The following ENDOV variants were observed in gnomAD, a reference collection of about 807,000 sequenced individuals.
ENDOV encodes endonuclease V.
A neutral mutation model predicts 39.4 loss-of-function variants in ENDOV; 37 were observed. That is an observed-to-expected ratio of 0.94 (90% CI 0.72 to 1.23). The LOEUF (loss-of-function observed/expected upper bound fraction) is 1.23. ENDOV is among the 50% of genes most tolerant of loss of function. The pLI is 0.00. For synonymous variants in ENDOV, 186 were observed against 163.4 expected, an observed-to-expected ratio of 1.14 and a Z score of -1.05; for missense variants, 441 against 375.7, an observed-to-expected ratio of 1.17 and a Z score of -1.44.
chr17:80,422,033 T>C, intron 3 of ENDOV, 71 bp downstream of exon 3: 1 of 1,581,230 alleles, frequency 6.3e-7, no homozygotes, highest in Admixed American at 1.8e-5. Flanking sequence ...CTGCTGCAGG[T>C]CGCCACCACC....
rs755206618 is a variant in ENDOV, at chr17:80,415,839, C to A, written c.228+18C>A. 1 of 1,578,780 alleles carries A rather than the reference C, an allele frequency of 6.3e-7. No individual in the cohort carries two copies. The highest frequency in any genetic ancestry group is 8.6e-7 in the Non-Finnish European group (1 of 1,162,706). On this transcript the variant is annotated intron_variant, in intron 2 of 9. Transcript: ENST00000518137. ...AGCTCGAGGTAACCTGGGAGGACGC[C>A]GAGCTCGAGGCGGGCCCCTCGGTGG...
intron 9 of ENDOV, chr17:80,430,076 A>G: frequency 6.5e-7 from 1 of 1,535,658 alleles, no homozygotes; most frequent in Non-Finnish European, 8.7e-7. Context: ...GGCTGACCGC[A>G]CCACCCCAGG....
intron 5 of ENDOV, 74 bp downstream of exon 5, chr17:80,423,706 A>G (rs1315707851): frequency 1.4e-6 from 2 of 1,403,442 alleles, no homozygotes; most frequent in Non-Finnish European, 1.9e-6. Context: ...GCATGAGGAC[A>G]CTTCTGGACC....
chr17:80,424,454 G>A (rs1191251957), intron 5 of ENDOV: 3 of 397,020 alleles, frequency 7.6e-6, no homozygotes, highest in Non-Finnish European at 1.3e-5. Context: ...CTGGCACAGC[G>A]GCCCTGGGCA....
At chr17:80,416,710 CCCTT>C (rs765690073) in intron 2 of ENDOV, among the ~76,000 whole-genome samples, 5,238 of 137,270 alleles carry the variant, frequency 0.038, 133 homozygotes, top group Non-Finnish European at 0.048. Context: ...CTCCCTCCCT[CCCTT>C]CCTTCCTTCC....
chr17:80,436,485 G>T lies in ENDOV; in HGVS notation c.*342G>T, dbSNP rs2083599563. The T allele has an allele frequency of 4.0e-6, 3 of 745,328 alleles. No individual in the cohort carries two copies. The highest frequency in any genetic ancestry group is 3.7e-6 in the Non-Finnish European group (2 of 533,886). The allele number at this position is 745,328 out of a possible 1,614,324, so 46.2% of individuals were successfully genotyped here. ...TTGTTAAGTGTTTTTATCCTTAAAG[G>T]GTACTGGATTTTGTCAAATGCTTTT... On this transcript the variant is annotated 3_prime_UTR_variant, in exon 10 of 10. Transcript: ENST00000518137.
At chr17:80,430,401 A>G (rs1291689420) in intron 9 of ENDOV, 3 of 1,496,336 alleles carry the variant, frequency 2.0e-6, no homozygotes, top group Non-Finnish European at 1.8e-6. Flanking sequence ...ATTTATTTCC[A>G]TTGATCTCTT....
At chr17:80,433,811 C>T (rs2083460636) in intron 9 of ENDOV, among the ~76,000 whole-genome samples, 2 of 152,188 alleles carry the variant, frequency 1.3e-5, no homozygotes, top group Non-Finnish European at 2.9e-5. Flanking sequence ...AGGGCCTGGC[C>T]AGGACCTGGT....
chr17:80,436,518 C>T lies in ENDOV; in HGVS notation c.*375C>T. The T allele has an allele frequency of 2.2e-6, 1 of 460,086 alleles. No individual in the cohort carries two copies. Among genetic ancestry groups the T allele is most frequent in the Admixed American group, 4.1e-5 (1 of 24,298 alleles). 28.5% of individuals were successfully genotyped at this position (460,086 alleles called of 1,614,324 possible). ...ATTTTGTCAAATGCTTTTCTGGCCT[C>T]TATTGAAAAGATCCTGTGTTCTTCT... On this transcript the variant is annotated 3_prime_UTR_variant, in exon 10 of 10. Coordinates refer to ENST00000518137, the MANE Select transcript of ENDOV (RefSeq NM_173627.5).
intron 4 of ENDOV, among the ~76,000 whole-genome samples, chr17:80,422,654 C>T (rs1212220739): frequency 6.6e-6 from 1 of 152,238 alleles, no homozygotes. Context: ...TACCCAGGCC[C>T]CCACTGATGC....
chr17:80,430,362 T>G, intron 9 of ENDOV: 8 of 1,523,090 alleles, frequency 5.3e-6, no homozygotes, highest in Non-Finnish European at 6.1e-6. Context: ...AGGATTCATT[T>G]TTTATTTCAC....
At chr17:80,415,888 CAG>C in intron 2 of ENDOV, 67 bp downstream of exon 2, 1 of 1,526,684 alleles carries the variant, frequency 6.6e-7, no homozygotes, top group Admixed American at 2.2e-5. Flanking sequence ...GTCTCCGGGA[CAG>C]GGAGCAGTGC....
At chr17:80,433,232 C>G (rs1396302219) in intron 9 of ENDOV, 1 of 519,776 alleles carries the variant, frequency 1.9e-6, no homozygotes, top group Non-Finnish European at 3.8e-6. Context: ...CAAAACGCAT[C>G]CCACAGGGGT....
At chr17:80,423,488 T>G in intron 4 of ENDOV, 32 bp from the exon 5 acceptor site, 1 of 685,338 alleles carries the variant, frequency 1.5e-6, no homozygotes, top group Non-Finnish European at 2.4e-6. Context: ...CAGCCCCACC[T>G]CCCCAACCCC....
At chr17:80,429,278 G>A (rs2083115616) in intron 8 of ENDOV, among the ~76,000 whole-genome samples, 1 of 152,214 alleles carries the variant, frequency 6.6e-6, no homozygotes, top group Non-Finnish European at 1.5e-5. Context: ...CTGGGACACT[G>A]AGTGTTGATA....
chr17:80,433,024 C>T (rs1333632457), intron 9 of ENDOV: 1 of 467,948 alleles, frequency 2.1e-6, no homozygotes, highest in South Asian at 1.6e-5. Context: ...GCACCCCCTG[C>T]CCCAAACAAA....
chr17:80,433,822 C>T (rs2083461341), intron 9 of ENDOV, among the ~76,000 whole-genome samples: 1 of 152,184 alleles, frequency 6.6e-6, no homozygotes, highest in Non-Finnish European at 1.5e-5. Flanking sequence ...AGGACCTGGT[C>T]AGGGGGTCCT....
chr17:80,430,226 C>T (rs938448955), intron 9 of ENDOV: 10 of 1,469,838 alleles, frequency 6.8e-6, no homozygotes, highest in Admixed American at 4.7e-5. Context: ...ATCCTGAGAG[C>T]GCATGAGACG....
intron 2 of ENDOV, among the ~76,000 whole-genome samples, chr17:80,419,185 A>C (rs923883604): frequency 1.3e-5 from 2 of 151,912 alleles, no homozygotes; most frequent in Admixed American, 1.3e-4. Flanking sequence ...AAAAAAAAAA[A>C]AAAACAGATT....
Sources: allele counts gnomAD v4.1 joint callset (sites outside exome capture counted in the v4.1 genomes callset), GRCh38; gene constraint gnomAD v4.1.1; transcripts MANE v1.5; gene names NCBI Gene and HGNC (gene_info 2026-07-23, HGNC 2026-07-21).